The following CFAP20DC variants were observed in gnomAD, a reference collection of about 807,000 sequenced individuals.
CFAP20DC encodes the protein protein CFAP20DC.
CFAP20DC carries 84 observed loss-of-function variants against 101.7 expected under a neutral mutation model. The ratio of observed to expected loss-of-function variants is 0.83; its 90% CI spans 0.69 to 0.99. The LOEUF (loss-of-function observed/expected upper bound fraction) is 0.99, where lower values mean the gene tolerates loss of function less well. Ranked by LOEUF, CFAP20DC falls within the 50% of genes least tolerant of loss-of-function variation. The pLI is 0.00. For missense variants in CFAP20DC, 1,007 were observed against 970.3 expected, an observed-to-expected ratio of 1.04 and a Z score of -0.50; for synonymous variants, 359 against 351.2, an observed-to-expected ratio of 1.02 and a Z score of -0.25.
chr3:58,813,542 G>T (rs2074851170), intron 14 of CFAP20DC, among the ~76,000 whole-genome samples: 1 of 152,018 alleles, frequency 6.6e-6, no homozygotes, highest in Non-Finnish European at 1.5e-5. Flanking sequence ...TGACTGAGGA[G>T]AACAACGTAG....
At chr3:58,875,405 C>T (rs2080661042) in intron 7 of CFAP20DC, among the ~76,000 whole-genome samples, 2 of 152,092 alleles carry the variant, frequency 1.3e-5, no homozygotes, top group South Asian at 4.1e-4. Context: ...CTAGACTATT[C>T]ATTTGGTTCT....
At chr3:58,858,965 A>T (rs1333666336) in intron 12 of CFAP20DC, among the ~76,000 whole-genome samples, 1 of 152,226 alleles carries the variant, frequency 6.6e-6, no homozygotes, top group Non-Finnish European at 1.5e-5. Context: ...TGATAACAAG[A>T]CTGGCAATTC....
intron 5 of CFAP20DC, among the ~76,000 whole-genome samples, chr3:58,919,285 C>T (rs757600881): frequency 2.6e-5 from 4 of 151,970 alleles, no homozygotes; most frequent in Non-Finnish European, 4.4e-5. Flanking sequence ...AGTAGTACTC[C>T]ACTTGGTGAA....
rs2093464500 is a variant in CFAP20DC, at chr3:59,007,471, C to T, written c.278+32086G>A. ...CAACTCATGACAGAATAATCTGGCT[C>T]CCAGCAAGGAGAAAACAACAGCTAT... On this transcript the variant is annotated intron_variant, in intron 4 of 16. Coordinates refer to ENST00000482387, the MANE Select transcript of CFAP20DC (RefSeq NM_001394063.1). The surrounding 1 kb of genome is among the most constrained non-coding windows in gnomAD (Gnocchi z 4.4). Among the ~76,000 whole-genome samples the T allele has an allele frequency of 6.6e-6, 1 of 152,214 alleles. No individual in the cohort carries two copies. Among genetic ancestry groups the T allele is most frequent in the Non-Finnish European group, 1.5e-5 (1 of 68,042 alleles).
intron 15 of CFAP20DC, among the ~76,000 whole-genome samples, chr3:58,782,300 T>C (rs2071903511): frequency 6.6e-6 from 1 of 151,904 alleles, no homozygotes; most frequent in South Asian, 2.1e-4. Context: ...ATAAAGGCCA[T>C]ATATGACACA....
chr3:58,875,135 G>A (rs2080631541), intron 7 of CFAP20DC, among the ~76,000 whole-genome samples: 3 of 152,214 alleles, frequency 2.0e-5, no homozygotes, highest in Admixed American at 2.0e-4. Flanking sequence ...CATAAATGAT[G>A]ATGCTCTCAA....
chr3:58,959,385 C>T (rs991441991), intron 4 of CFAP20DC, among the ~76,000 whole-genome samples: 4 of 152,184 alleles, frequency 2.6e-5, no homozygotes, highest in Admixed American at 6.5e-5. Flanking sequence ...TAAGCCACTG[C>T]GTCTGGCCAA....
At chr3:58,856,517 T>TA in intron 12 of CFAP20DC, among the ~76,000 whole-genome samples, 1 of 152,262 alleles carries the variant, frequency 6.6e-6, no homozygotes, top group Admixed American at 6.5e-5. Flanking sequence ...GTAGGCCACT[T>TA]ATGGGGTGAG....
rs531676390 is a variant in CFAP20DC at position 58,901,438 on chromosome 3, T to G, written c.550+12270A>C. 1.1e-4 allele frequency among the ~76,000 whole-genome samples: 17 copies of G among 152,334 alleles called. No homozygotes were observed. The East Asian group carries it at 2.3e-3, about 21-fold the overall frequency. ...CAACTCTACCTTGTTGTATGTACCC[T>G]GCTCTCCTTATCTGTAAATCATGGA... On this transcript the variant is annotated intron_variant, in intron 6 of 16. Coordinates refer to ENST00000482387, the MANE Select transcript of CFAP20DC (RefSeq NM_001394063.1).
rs1024556398 is a variant in CFAP20DC, at chr3:58,969,172, T to C, written c.279-31410A>G. The stretch of plus-strand genomic sequence containing the variant: ...GCAGCTTTGTTCTTCTTGCTTAGTA[T>C]GGGCAAATAATTTAAATAGAAATTT... On this transcript the variant is annotated intron_variant, in intron 4 of 16. Transcript: ENST00000482387. 3.3e-5 allele frequency among the ~76,000 whole-genome samples: 5 copies of C among 152,170 alleles called. No individual in the cohort carries two copies. In the South Asian group the frequency reaches 1.0e-3, roughly 32 times the overall value.
chr3:58,819,129 C>T (rs1240009779), intron 14 of CFAP20DC, among the ~76,000 whole-genome samples: 16 of 145,658 alleles, frequency 1.1e-4, no homozygotes, highest in South Asian at 4.6e-4. Context: ...ATCTCTGGGA[C>T]GCATTCAAAG....
intron 3 of CFAP20DC, among the ~76,000 whole-genome samples, chr3:59,042,431 A>T (rs571622863): frequency 6.6e-6 from 1 of 152,008 alleles, no homozygotes; most frequent in African/African-American, 2.4e-5. Context: ...CTGAATGTCT[A>T]TTCTCGGGGG....
downstream of CFAP20DC, among the ~76,000 whole-genome samples, chr3:58,739,084 T>C (rs752585014): frequency 6.9e-6 from 1 of 144,826 alleles, no homozygotes. Context: ...CAAGAAAATA[T>C]AATAGGGCAA....
At chr3:58,951,814 G>GA (rs1559886587) in intron 4 of CFAP20DC, among the ~76,000 whole-genome samples, 2 of 152,046 alleles carry the variant, frequency 1.3e-5, no homozygotes, top group Non-Finnish European at 2.9e-5. Context: ...GTTAAATGAC[G>GA]AGTTACTGGG....
At position 58,721,787 on chromosome 3, in the gene CFAP20DC, C is replaced by T. The variant is rs1230427987; in HGVS notation, c.198-4159G>A. Among the ~76,000 whole-genome samples, 1 of 152,210 alleles carries T rather than the reference C, an allele frequency of 6.6e-6. No homozygotes were observed. The highest frequency in any genetic ancestry group is 1.5e-5 in the Non-Finnish European group (1 of 68,038). On this transcript the variant is annotated intron_variant, in intron 3 of 3. Coordinates refer to the CFAP20DC transcript ENST00000486145. The surrounding 1 kb of genome is among the most constrained non-coding windows in gnomAD (Gnocchi z 5.2). ...CCTGGGATCTCTATTCTTTTCTCAA[C>T]ACATTCCTTTCAGAGAACCAGGGCA...
At chr3:58,986,050 C>T (rs979700779) in intron 4 of CFAP20DC, among the ~76,000 whole-genome samples, 12 of 152,112 alleles carry the variant, frequency 7.9e-5, no homozygotes, top group Admixed American at 5.2e-4. Flanking sequence ...ATTTGTTTTC[C>T]TTTATTAGAA....
intron 3 of CFAP20DC, among the ~76,000 whole-genome samples, chr3:58,731,327 C>T (rs540634103): frequency 6.6e-6 from 1 of 152,218 alleles, no homozygotes; most frequent in African/African-American, 2.4e-5. Context: ...TATTTTCACT[C>T]CTCTGAACAT....
At chr3:58,746,668 G>A (rs1250060337) in intron 16 of CFAP20DC, among the ~76,000 whole-genome samples, 2 of 152,058 alleles carry the variant, frequency 1.3e-5, no homozygotes, top group Non-Finnish European at 1.5e-5. Flanking sequence ...GGACCCTCGC[G>A]CATTATAACC....
chr3:58,803,530 T>C (rs969221597), intron 15 of CFAP20DC, among the ~76,000 whole-genome samples: 2 of 152,208 alleles, frequency 1.3e-5, no homozygotes, highest in African/African-American at 2.4e-5. Flanking sequence ...AATCAGAACT[T>C]TCAATTTTAA....
Sources: gnomAD v4.1 joint callset for allele counts (sites outside exome capture counted in the v4.1 genomes callset) on GRCh38, gnomAD v4.1.1 for gene constraint, Gnocchi (gnomAD v3.1) non-coding constraint, MANE v1.5 for transcripts, NCBI Gene and HGNC (gene_info 2026-07-23, HGNC 2026-07-21) for gene names.